Variants in NIPSNAP1 observed in about 807,000 individuals in gnomAD.
The protein encoded by NIPSNAP1 is nipsnap homolog 1, also known as protein NipSnap homolog 1.
In NIPSNAP1, 25 loss-of-function variants were observed where a neutral mutation model predicts 49.2. That is an observed-to-expected ratio of 0.51 (90% confidence interval 0.37 to 0.71). NIPSNAP1 has a LOEUF of 0.71. NIPSNAP1 is among the 30% of genes least tolerant of loss of function. The pLI, the probability that NIPSNAP1 is intolerant of heterozygous loss-of-function variation, is 0.00. For missense variants in NIPSNAP1, 294 were observed against 361.0 expected (o/e 0.81, Z 1.50); for synonymous variants, 143 against 140.7 (o/e 1.02, Z -0.12).
Position 29,555,690 on chromosome 22 carries a change from A to T in NIPSNAP1, c.*245T>A, listed in dbSNP as rs578206992. 8 of 544,890 alleles carry T rather than the reference A, an allele frequency of 1.5e-5. No homozygotes were observed. Among genetic ancestry groups the T allele is most frequent in the Admixed American group, 1.2e-4 (4 of 32,654 alleles). 33.8% of individuals were successfully genotyped at this position (544,890 alleles called of 1,614,324 possible). The stretch of plus-strand genomic sequence containing the variant: ...AAGGCCTAAAAGATCACTATCTTTC[A>T]TTCAGGGAAATCAGAAACTACTTCT... On this transcript the variant is annotated 3_prime_UTR_variant, in exon 10 of 10. Coordinates refer to ENST00000216121, the MANE Select transcript of NIPSNAP1 (RefSeq NM_003634.4).
intron 9 of NIPSNAP1, 74 bp from the exon 10 acceptor site, chr22:29,556,073 A>G (rs1384500249): frequency 1.5e-6 from 2 of 1,342,662 alleles, no homozygotes; most frequent in African/African-American, 2.9e-5. Context: ...CCACCCACAC[A>G]TGCTGGCCTT....
chr22:29,579,863 CAGGCAAACTCT>C, intron 1 of NIPSNAP1: 1 of 348,986 alleles, frequency 2.9e-6, no homozygotes, highest in South Asian at 2.2e-5. Context: ...CTGTTAGTGC[CAGGCAAACTCT>C]AGGCTTTTCC....
intron 3 of NIPSNAP1, 48 bp from the exon 4 acceptor site, chr22:29,569,335 C>G (rs1186873241): frequency 3.5e-6 from 5 of 1,414,124 alleles, no homozygotes; most frequent in Non-Finnish European, 5.0e-6. Context: ...GCCACCAGGG[C>G]CTCTGAGATA....
chr22:29,562,997 G>A (rs1359537971), intron 4 of NIPSNAP1, among the ~76,000 whole-genome samples: 1 of 151,974 alleles, frequency 6.6e-6, no homozygotes, highest in Non-Finnish European at 1.5e-5. Context: ...TACTCGGGAG[G>A]CTGAAGCAGG....
rs1229302469 is a variant in NIPSNAP1 at position 29,568,283 on chromosome 22, G to A, written c.367+910C>T. The stretch of plus-strand genomic sequence containing the variant: ...GTGGATCACCTGAGGTCAGAAGTTC[G>A]AGACCAGCCTGACCAACATGTGAAA... On this transcript the variant is annotated intron_variant, in intron 4 of 9. Coordinates refer to ENST00000216121, the MANE Select transcript of NIPSNAP1 (RefSeq NM_003634.4). 3.6e-4 allele frequency among the ~76,000 whole-genome samples: 47 copies of A among 131,372 alleles called. 1 individual carries two copies. The highest frequency in any genetic ancestry group is 8.0e-5 in the Non-Finnish European group (5 of 62,326). The allele number at this position is 131,372 out of a possible 152,430, so 86.2% of individuals were successfully genotyped here.
At chr22:29,575,468 G>C (rs1357222802) in intron 1 of NIPSNAP1, among the ~76,000 whole-genome samples, 1 of 152,076 alleles carries the variant, frequency 6.6e-6, no homozygotes, top group Non-Finnish European at 1.5e-5. Context: ...CTCAGAGGAG[G>C]GTTTGAACTC....
At chr22:29,580,920 G>C in intron 1 of NIPSNAP1, 65 bp downstream of exon 1, 3 of 1,321,130 alleles carry the variant, frequency 2.3e-6, no homozygotes, top group Non-Finnish European at 2.0e-6. Context: ...CCACGACCCA[G>C]TCCCTGGCCC....
chr22:29,578,545 C>T (rs943617249), intron 1 of NIPSNAP1, among the ~76,000 whole-genome samples: 15 of 151,300 alleles, frequency 9.9e-5, no homozygotes, highest in Non-Finnish European at 1.9e-4. Context: ...CCTCACAGGC[C>T]AGAAGGGCTG....
chr22:29,565,073 G>A (rs150346663), intron 4 of NIPSNAP1, among the ~76,000 whole-genome samples: 166 of 150,590 alleles, frequency 1.1e-3, no homozygotes, highest in African/African-American at 3.6e-3. Context: ...GCATGGTGGT[G>A]CATGTCTGTG....
intron 1 of NIPSNAP1, among the ~76,000 whole-genome samples, chr22:29,578,046 A>G (rs1298121234): frequency 3.3e-5 from 5 of 150,486 alleles, no homozygotes; most frequent in Admixed American, 1.3e-4. Context: ...TTACAGGCGC[A>G]CACACCATGC....
chr22:29,560,029 T>C (rs2064322997), intron 8 of NIPSNAP1, among the ~76,000 whole-genome samples: 1 of 152,176 alleles, frequency 6.6e-6, no homozygotes, highest in African/African-American at 2.4e-5. Context: ...CTGGCCTCCT[T>C]GCCACACCTC....
intron 9 of NIPSNAP1, among the ~76,000 whole-genome samples, chr22:29,558,267 C>T (rs1298058940): frequency 2.0e-5 from 3 of 151,928 alleles, no homozygotes; most frequent in Non-Finnish European, 2.9e-5. Context: ...GTCAGGAGTT[C>T]GAGACCAGCT....
At chr22:29,557,365 A>G (rs2064303633) in intron 9 of NIPSNAP1, among the ~76,000 whole-genome samples, 3 of 152,026 alleles carry the variant, frequency 2.0e-5, no homozygotes, top group Admixed American at 1.3e-4. Context: ...ATTGATCCAC[A>G]TACCTCAACT....
intron 1 of NIPSNAP1, among the ~76,000 whole-genome samples, chr22:29,579,046 C>T (rs1190037705): frequency 2.0e-5 from 3 of 151,132 alleles, no homozygotes; most frequent in Non-Finnish European, 2.9e-5. Flanking sequence ...ACTGCATGTT[C>T]GTCAAGTGCT....
chr22:29,577,449 C>T (rs2064461587), intron 1 of NIPSNAP1, among the ~76,000 whole-genome samples: 1 of 148,034 alleles, frequency 6.8e-6, no homozygotes, highest in East Asian at 2.0e-4. Flanking sequence ...GACGAAGTCT[C>T]GCTCTTGTTC....
Position 29,561,499 on chromosome 22 carries a change from G to A in NIPSNAP1, c.579+7C>T. 1 of 1,613,932 alleles carries A rather than the reference G, an allele frequency of 6.2e-7. No homozygotes were observed. Among genetic ancestry groups the A allele is most frequent in the Admixed American group, 1.7e-5 (1 of 60,004 alleles). ...GGGGCAGGAGGGGGTCTGTCGGAGG[G>A]AGGCACCTTGAGCTTGTATGTCCTC... is the stretch of plus-strand genomic sequence containing the variant. On this transcript the variant is annotated splice_region_variant and intron_variant, in intron 6 of 9. Transcript: ENST00000216121.
At chr22:29,576,400 A>G (rs1322282457) in intron 1 of NIPSNAP1, among the ~76,000 whole-genome samples, 1 of 150,210 alleles carries the variant, frequency 6.7e-6, no homozygotes, top group Non-Finnish European at 1.5e-5. Context: ...AAAAAACACT[A>G]TACTTTTTGG....
chr22:29,557,816 A>G (rs469253), intron 9 of NIPSNAP1, among the ~76,000 whole-genome samples: 31,540 of 152,000 alleles, frequency 0.21, 3,689 homozygotes, highest in East Asian at 0.54. Flanking sequence ...ATCACTGTAA[A>G]CTTCTCAATG....
In NIPSNAP1 at chr22:29,578,106, C is replaced by T. The variant is rs185430031; in HGVS notation, c.98+2879G>A. Among the ~76,000 whole-genome samples, 212 of 150,980 alleles carry T rather than the reference C, an allele frequency of 1.4e-3. 7 individuals carry two copies. Among genetic ancestry groups the T allele is most frequent in the African/African-American group, 4.8e-3 (195 of 40,444 alleles). ...AAAGACGGGGTTTCACCATGTTGGC[C>T]AGGCTGGTCTTGAATACCTGACCTC... On this transcript the variant is annotated intron_variant, in intron 1 of 9. Transcript: ENST00000216121.
Sources: allele counts gnomAD v4.1 joint callset (sites outside exome capture counted in the v4.1 genomes callset), GRCh38; gene constraint gnomAD v4.1.1; transcripts MANE v1.5; gene names NCBI Gene and HGNC (gene_info 2026-07-23, HGNC 2026-07-21).